The following COA7 variants were observed in gnomAD, a reference collection of about 807,000 sequenced individuals.
COA7 encodes cytochrome c oxidase assembly factor 7.
COA7 carries 12 observed loss-of-function variants against 21.0 expected under a neutral mutation model. The observed-to-expected ratio is 0.57, with a 90% CI of 0.37 to 0.92. The LOEUF (loss-of-function observed/expected upper bound fraction) is 0.92. Ranked by LOEUF, COA7 falls within the 40% of genes least tolerant of loss-of-function variation. The probability of loss-of-function intolerance (pLI) is 0.01; values close to 1 mark genes in which losing one functional copy is unlikely to be tolerated. For missense variants in COA7, 240 were observed against 286.1 expected (o/e 0.84, Z 1.16); for synonymous variants, 95 against 107.4 (o/e 0.88, Z 0.72).
intron 2 of COA7, among the ~76,000 whole-genome samples, chr1:52,688,595 C>T (rs977611026): frequency 1.3e-5 from 2 of 152,146 alleles, no homozygotes; most frequent in Non-Finnish European, 2.9e-5. Context: ...GTGGCTCACA[C>T]CTGTAATCCT....
Position 52,687,848 on chromosome 1 carries a change from C to T in COA7, c.568G>A (p.Ala190Thr), listed in dbSNP as rs749804388. 1 of 1,614,260 alleles carries T rather than the reference C, an allele frequency of 6.2e-7. No homozygotes were observed. ...TCCCCCAGCTTGTACATGCGACTGG[C>T]ATTGGCACAGGCCCAGATATGACCC... Reference protein sequence around the residue: ...DLGHIWACANASRMYKLGDGV... With the variant: ...DLGHIWACANTSRMYKLGDGV... The change falls in exon 3 of 3, where the codon GCC (alanine) becomes ACC (threonine). Residue 190 changes from alanine (A) to threonine (T), a missense_variant. Around this residue, in one of 3 missense-constraint regions of COA7, gnomAD observed 163 missense variants for 214.1 expected, o/e 0.76. Coordinates refer to ENST00000371538, the MANE Select transcript of COA7 (RefSeq NM_023077.3).
Position 52,688,101 on chromosome 1 carries a change from C to A in COA7, c.315G>T (p.Lys105Asn). ...CFLMACEKPGKKSIAACHNVG... is the reference protein window; with the variant it reads ...CFLMACEKPGNKSIAACHNVG... ...CGTTGTGACATGCTGCTATTGACTTCTTTCCAGGCTTCTCACACGCCATCA... is the reference window on the plus strand; with the variant it reads ...CGTTGTGACATGCTGCTATTGACTTATTTCCAGGCTTCTCACACGCCATCA... Residue 105 changes from lysine to asparagine, a missense_variant, in exon 3 of 3, where the codon AAG becomes AAT. Coordinates refer to ENST00000371538, the MANE Select transcript of COA7 (RefSeq NM_023077.3). 1 of 1,614,062 alleles carries A rather than the reference C, an allele frequency of 6.2e-7. No homozygotes were observed. Among genetic ancestry groups the A allele is most frequent in the Non-Finnish European group, 8.5e-7 (1 of 1,180,040 alleles).
intron 1 of COA7, among the ~76,000 whole-genome samples, chr1:52,695,520 C>G (rs1270326308): frequency 6.6e-6 from 1 of 151,916 alleles, no homozygotes; most frequent in Middle Eastern, 3.2e-3. Context: ...CACCCCCCAA[C>G]AAAAACGTTA....
chr1:52,687,548 T>G lies in COA7; in HGVS notation c.*172A>C. On this transcript the variant is annotated 3_prime_UTR_variant, in exon 3 of 3. Coordinates refer to ENST00000371538, the MANE Select transcript of COA7 (RefSeq NM_023077.3). ...AAGGAATATTGACTGAAATAAACATTGTAGGCTATACTCCAGTAGCTGGGG... is the reference window on the plus strand; with the variant it reads ...AAGGAATATTGACTGAAATAAACATGGTAGGCTATACTCCAGTAGCTGGGG... 1.6e-6 allele frequency: 1 copy of G among 627,156 alleles called. No individual in the cohort carries two copies. The highest frequency in any genetic ancestry group is 2.7e-5 in the East Asian group (1 of 36,510). The allele number at this position is 627,156 out of a possible 1,614,324, so 38.8% of individuals were successfully genotyped here.
intron 1 of COA7, 176 bp downstream of exon 1, chr1:52,698,045 G>A (rs1474528564): frequency 1.7e-6 from 1 of 582,736 alleles, no homozygotes; most frequent in African/African-American, 1.9e-5. Flanking sequence ...CCGGCCTCCT[G>A]GCTCGGTCTT....
At chr1:52,698,087 G>C in intron 1 of COA7, 134 bp downstream of exon 1, 1 of 680,896 alleles carries the variant, frequency 1.5e-6, no homozygotes, top group Non-Finnish European at 2.5e-6. Flanking sequence ...CAACACACGC[G>C]GTCACCGCGA....
chr1:52,696,422 T>G (rs2149906108), intron 1 of COA7, among the ~76,000 whole-genome samples: 1 of 152,068 alleles, frequency 6.6e-6, no homozygotes, highest in East Asian at 1.9e-4. Flanking sequence ...TCTGCCCACC[T>G]CAGCCTCCCA....
rs1476818224 is a variant in COA7, at chr1:52,687,191, T to C, written c.*529A>G. The C allele has an allele frequency of 1.3e-5, 2 of 157,214 alleles. No individual in the cohort carries two copies. 9.7% of individuals were successfully genotyped at this position (157,214 alleles called of 1,614,324 possible). A position where few individuals can be genotyped will look rare whatever the true frequency, so the allele number is the denominator to read the frequency against. ...ACCAATGATTATGTAAGTCAGAGGG[T>C]GGTAGTTGTGACTATTTAACTGTTC... On this transcript the variant is annotated 3_prime_UTR_variant, in exon 3 of 3. Coordinates refer to ENST00000371538, the MANE Select transcript of COA7 (RefSeq NM_023077.3).
chr1:52,684,591 A>G lies in COA7; in HGVS notation c.*3129T>C, dbSNP rs1384441554. 1 of 152,172 alleles carries G rather than the reference A, an allele frequency of 6.6e-6. No homozygotes were observed. The highest frequency in any genetic ancestry group is 2.4e-5 in the African/African-American group (1 of 41,432). The allele number at this position is 152,172 out of a possible 1,614,324, so 9.4% of individuals were successfully genotyped here. A position where few individuals can be genotyped will look rare whatever the true frequency, so the allele number is the denominator to read the frequency against. On this transcript the variant is annotated 3_prime_UTR_variant, in exon 3 of 3. Transcript: ENST00000371538. Reference sequence around the variant, plus strand: ...TCAACATCTCCCACCAAAGAGGTACATTTGCAGTAATTGATGAACCTACAC... The same window carrying G: ...TCAACATCTCCCACCAAAGAGGTACGTTTGCAGTAATTGATGAACCTACAC...
chr1:52,688,163 G>C lies in COA7; in HGVS notation c.253C>G (p.Leu85Val), dbSNP rs1326322070. 1.1e-5 allele frequency: 18 copies of C among 1,608,394 alleles called. No individual in the cohort carries two copies. The highest frequency in any genetic ancestry group is 1.5e-5 in the Non-Finnish European group (18 of 1,179,394). Residue 85 changes from leucine (L) to valine (V), a missense_variant, in exon 3 of 3, where the codon CTG becomes GTG. This residue lies in a region of COA7 where 163 missense variants were observed against 214.1 expected (regional missense o/e 0.76). Transcript: ENST00000371538. The part of the protein sequence containing the change: ...GAYYVTGKGG[L>V]TQDLKAAARC... ...GCGGCAGCTTTCAGGTCCTGGGTCA[G>C]ACCACCTGAGAGGAAGGAAAGTAGG...
At chr1:52,698,130 TTCCTTC>T (rs1644098110) in intron 1 of COA7, 85 bp downstream of exon 1, 2 of 921,180 alleles carry the variant, frequency 2.2e-6, no homozygotes, top group Middle Eastern at 2.4e-4. Flanking sequence ...CGCCACGTGA[TTCCTTC>T]TCCAGCCTCT....
chr1:52,692,607 T>G, intron 2 of COA7, 120 bp downstream of exon 2: 1 of 1,159,082 alleles, frequency 8.6e-7, no homozygotes, highest in East Asian at 2.4e-5. Context: ...CCTCTCCATC[T>G]TCCTACAATG....
intron 2 of COA7, among the ~76,000 whole-genome samples, chr1:52,689,159 TA>T (rs202045808): frequency 1.5e-4 from 22 of 151,230 alleles, no homozygotes; most frequent in Admixed American, 2.6e-4. Context: ...TTATTATTAT[TA>T]TTTTTTTTTT....
intron 1 of COA7, among the ~76,000 whole-genome samples, chr1:52,694,813 G>A (rs1334848507): frequency 6.6e-6 from 1 of 152,150 alleles, no homozygotes; most frequent in Non-Finnish European, 1.5e-5. Context: ...ACAAGGAACA[G>A]TAAATACAAA....
chr1:52,695,444 G>A (rs546703172), intron 1 of COA7, among the ~76,000 whole-genome samples: 9 of 152,052 alleles, frequency 5.9e-5, no homozygotes, highest in Non-Finnish European at 8.8e-5. Flanking sequence ...CAGCCTGGGC[G>A]ACAGAGTAAT....
intron 1 of COA7, among the ~76,000 whole-genome samples, chr1:52,696,318 C>T (rs1445000721): frequency 6.6e-6 from 1 of 152,266 alleles, no homozygotes; most frequent in Middle Eastern, 3.4e-3. Context: ...GGATTACAGG[C>T]GCATGCCACC....
chr1:52,698,347 C>T lies in COA7; in HGVS notation c.-21G>A. Reference sequence around the variant, plus strand: ...GCCATGGTTCGCGCCGGCCCAAAGACGGTCACGTGAGCCGGCGGAGGGGGC... The same window carrying T: ...GCCATGGTTCGCGCCGGCCCAAAGATGGTCACGTGAGCCGGCGGAGGGGGC... On this transcript the variant is annotated 5_prime_UTR_variant, in exon 1 of 3. Coordinates refer to ENST00000371538, the MANE Select transcript of COA7 (RefSeq NM_023077.3). 6.3e-7 allele frequency: 1 copy of T among 1,586,266 alleles called. No individual in the cohort carries two copies. Among genetic ancestry groups the T allele is most frequent in the Admixed American group, 1.7e-5 (1 of 59,822 alleles).
At chr1:52,689,103 C>T (rs1644026052) in intron 2 of COA7, among the ~76,000 whole-genome samples, 1 of 151,848 alleles carries the variant, frequency 6.6e-6, no homozygotes, top group Non-Finnish European at 1.5e-5. Context: ...GCTTTGAAAG[C>T]GGCTTAACAC....
At position 52,687,772 on chromosome 1, in the gene COA7, T is replaced by C; in HGVS notation, c.644A>G (p.Gln215Arg). The C allele has an allele frequency of 6.2e-7, 1 of 1,614,268 alleles. No homozygotes were observed. Among genetic ancestry groups the C allele is most frequent in the Non-Finnish European group, 8.5e-7 (1 of 1,180,044 alleles). Residue 215 changes from glutamine to arginine, a missense_variant, in exon 3 of 3, where the codon CAG becomes CGG. Coordinates refer to ENST00000371538, the MANE Select transcript of COA7 (RefSeq NM_023077.3). ...TTTCTGCTGTTCTTTGTGTAGCTGC[T>C]GGGCTCGATTTTTTAGCACCTCGGC... ...AKAEVLKNRAQQLHKEQQKGV... is the reference protein window; with the variant it reads ...AKAEVLKNRARQLHKEQQKGV...
Sources: gnomAD v4.1 joint callset for allele counts (sites outside exome capture counted in the v4.1 genomes callset) on GRCh38, gnomAD v4.1.1 for gene constraint, gnomAD v4.1.1 regional missense constraint, MANE v1.5 for transcripts, NCBI Gene and HGNC (gene_info 2026-07-23, HGNC 2026-07-21) for gene names.